Variants in DIPK1A observed in about 807,000 individuals in gnomAD.
DIPK1A encodes divergent protein kinase domain 1A, also known as family with sequence similarity 69 member A.
Under a neutral mutation model 40.8 loss-of-function variants are expected in DIPK1A, and 27 were observed. The observed-to-expected ratio is 0.66, with a 90% CI of 0.49 to 0.91. The LOEUF is 0.91. DIPK1A is among the 40% of genes least tolerant of loss of function. The pLI is 0.00. For synonymous variants in DIPK1A, 166 were observed against 171.3 expected (o/e 0.97, Z 0.24); for missense variants, 412 against 505.7 (o/e 0.81, Z 1.78).
At chr1:92,923,894 A>G (rs1037597263) in intron 1 of DIPK1A, among the ~76,000 whole-genome samples, 3 of 152,176 alleles carry the variant, frequency 2.0e-5, no homozygotes, top group African/African-American at 7.2e-5. Context: ...ACAAAACAAA[A>G]CAAAACAAAA....
chr1:92,846,395 A>T (rs1397121139), intron 4 of DIPK1A, among the ~76,000 whole-genome samples: 2 of 152,066 alleles, frequency 1.3e-5, no homozygotes, highest in Non-Finnish European at 2.9e-5. Context: ...ATCTAGCGGT[A>T]ATTTTGTATC....
chr1:92,852,201 T>TA (rs1267462855), intron 2 of DIPK1A, among the ~76,000 whole-genome samples: 1 of 151,990 alleles, frequency 6.6e-6, no homozygotes, highest in Non-Finnish European at 1.5e-5. Context: ...AAATGTCAGA[T>TA]AAAAAAAATT....
intron 1 of DIPK1A, among the ~76,000 whole-genome samples, chr1:92,927,706 TAATAC>T (rs1240570216): frequency 2.0e-5 from 3 of 152,206 alleles, no homozygotes; most frequent in African/African-American, 7.2e-5. Context: ...GTAAATGATA[TAATAC>T]AATATGTGGT....
intron 1 of DIPK1A, among the ~76,000 whole-genome samples, chr1:92,891,293 T>A (rs958738315): frequency 2.6e-5 from 4 of 152,044 alleles, no homozygotes; most frequent in African/African-American, 9.6e-5. Flanking sequence ...TGATCTTTTG[T>A]GGTTTTTTTT....
chr1:92,863,154 T>C (rs1455797391), intron 2 of DIPK1A, among the ~76,000 whole-genome samples: 1 of 152,188 alleles, frequency 6.6e-6, no homozygotes, highest in Non-Finnish European at 1.5e-5. Context: ...TTTTTCCATA[T>C]CCCCTACTAG....
intron 1 of DIPK1A, among the ~76,000 whole-genome samples, chr1:92,881,448 A>G (rs1648373247): frequency 6.6e-6 from 1 of 151,940 alleles, no homozygotes; most frequent in Non-Finnish European, 1.5e-5. Context: ...TTTGATCTCA[A>G]GTTTAAAGAT....
intron 2 of DIPK1A, among the ~76,000 whole-genome samples, chr1:92,870,159 A>G (rs1441690062): frequency 1.3e-5 from 2 of 152,100 alleles, no homozygotes; most frequent in African/African-American, 4.8e-5. Flanking sequence ...GCATATTTGC[A>G]TAAGTGGCTT....
rs766008107 is a variant in DIPK1A, at chr1:92,876,341, A to G, written c.144T>C (p.Ser48=). 1 of 1,602,360 alleles carries G rather than the reference A, an allele frequency of 6.2e-7. No individual in the cohort carries two copies. The highest frequency in any genetic ancestry group is 2.2e-5 in the East Asian group (1 of 44,776). ...TTCCTCTGCATAATTCTGTATAGGT[A>G]GAATACTGCACATATATAATCCAGC... ...VGSWIIYVQY[S]TYTELCRGKD... Residue 48 remains serine (S), a synonymous_variant, in exon 2 of 5, where the codon TCT becomes TCC. Transcript: ENST00000370310.
intron 4 of DIPK1A, among the ~76,000 whole-genome samples, chr1:92,845,316 T>A (rs1687556811): frequency 1.9e-5 from 2 of 106,192 alleles, no homozygotes; most frequent in South Asian, 3.3e-4. Context: ...TTTTTTTGCA[T>A]AGGAAGAACT....
At chr1:92,948,126 A>C (rs1651444460) in intron 1 of DIPK1A, among the ~76,000 whole-genome samples, 1 of 152,212 alleles carries the variant, frequency 6.6e-6, no homozygotes, top group Non-Finnish European at 1.5e-5. Context: ...TGATCATTAT[A>C]CTTACATGGA....
intron 1 of DIPK1A, among the ~76,000 whole-genome samples, chr1:92,948,692 T>C (rs1312764810): frequency 6.8e-6 from 1 of 146,318 alleles, no homozygotes; most frequent in African/African-American, 2.5e-5. Flanking sequence ...TATATGTATA[T>C]ATACACATAT....
chr1:92,847,179 T>A lies in DIPK1A; in HGVS notation c.474+4A>T. 1 of 1,522,440 alleles carries A rather than the reference T, an allele frequency of 6.6e-7. No individual in the cohort carries two copies. The highest frequency in any genetic ancestry group is 8.8e-7 in the Non-Finnish European group (1 of 1,131,852). The allele number at this position is 1,522,440 out of a possible 1,614,324, so 94.3% of individuals were successfully genotyped here. A position where few individuals can be genotyped will look rare whatever the true frequency, so the allele number is the denominator to read the frequency against. On this transcript the variant is annotated splice_donor_region_variant and intron_variant, in intron 4 of 4. Coordinates refer to ENST00000370310, the MANE Select transcript of DIPK1A (RefSeq NM_001006605.5). ...ACTAGCAACATATGAATGGGTATGC[T>A]TACCTTAAAGAGACTATAGACCATT... is the stretch of plus-strand genomic sequence containing the variant.
intron 1 of DIPK1A, among the ~76,000 whole-genome samples, chr1:92,918,937 C>T (rs1300309580): frequency 2.0e-5 from 3 of 152,174 alleles, no homozygotes; most frequent in African/African-American, 4.8e-5. Flanking sequence ...ACCGCTGATC[C>T]GGCAGGAGGC....
At chr1:92,891,320 T>C (rs1347880999) in intron 1 of DIPK1A, among the ~76,000 whole-genome samples, 1 of 152,060 alleles carries the variant, frequency 6.6e-6, no homozygotes, top group East Asian at 1.9e-4. Flanking sequence ...ATCTTTATTA[T>C]TTATTTATTT....
chr1:92,869,705 T>C (rs1182242752), intron 2 of DIPK1A, among the ~76,000 whole-genome samples: 1 of 152,104 alleles, frequency 6.6e-6, no homozygotes, highest in East Asian at 1.9e-4. Context: ...GATGAGCATG[T>C]GTTTACTAAG....
intron 1 of DIPK1A, among the ~76,000 whole-genome samples, chr1:92,948,923 G>C (rs901769285): frequency 4.0e-5 from 6 of 151,002 alleles, no homozygotes; most frequent in African/African-American, 1.5e-4. Context: ...TCCTGCCTCA[G>C]CCTCACAAGT....
At chr1:92,960,007 C>T (rs1181375498) in intron 1 of DIPK1A, among the ~76,000 whole-genome samples, 6 of 148,356 alleles carry the variant, frequency 4.0e-5, no homozygotes, top group Non-Finnish European at 7.4e-5. Flanking sequence ...CAGCCCGCCT[C>T]GGCCTCCCAA....
chr1:92,916,688 C>A (rs1007223091), intron 1 of DIPK1A, among the ~76,000 whole-genome samples: 3 of 152,118 alleles, frequency 2.0e-5, no homozygotes, highest in Non-Finnish European at 4.4e-5. Flanking sequence ...CTACAATCTC[C>A]CCCAGGAGGC....
intron 2 of DIPK1A, among the ~76,000 whole-genome samples, chr1:92,853,513 G>A (rs1687887217): frequency 6.6e-6 from 1 of 152,200 alleles, no homozygotes; most frequent in East Asian, 1.9e-4. Flanking sequence ...AATGCCAGCG[G>A]AGGCTTTGGG....
Sources: allele counts gnomAD v4.1 joint callset (sites outside exome capture counted in the v4.1 genomes callset), GRCh38; gene constraint gnomAD v4.1.1; transcripts MANE v1.5; gene names NCBI Gene and HGNC (gene_info 2026-07-23, HGNC 2026-07-21).